The following SOCS5 variants were observed in gnomAD, a reference collection of about 807,000 sequenced individuals.
The protein encoded by SOCS5 is suppressor of cytokine signaling 5.
SOCS5 carries 32 observed loss-of-function variants against 42.8 expected under a neutral mutation model. The ratio of observed to expected loss-of-function variants is 0.75; its 90% CI spans 0.56 to 1.01. The LOEUF (loss-of-function observed/expected upper bound fraction) is 1.01, where lower values mean the gene tolerates loss of function less well. Among genes scored for constraint, SOCS5 ranks in the 50% least tolerant of loss-of-function variants. The pLI is 0.00. For synonymous variants in SOCS5, 283 were observed against 229.6 expected (o/e 1.23, Z -2.10); for missense variants, 627 against 653.0 (o/e 0.96, Z 0.43).
At chr2:46,742,790 C>T (rs1025556281) in intron 1 of SOCS5, among the ~76,000 whole-genome samples, 11 of 151,992 alleles carry the variant, frequency 7.2e-5, no homozygotes, top group East Asian at 1.9e-4. Flanking sequence ...CTCAGCCTCC[C>T]GAGTAGCTCA....
chr2:46,752,587 C>G (rs1012536185), intron 1 of SOCS5, among the ~76,000 whole-genome samples: 10 of 152,152 alleles, frequency 6.6e-5, no homozygotes, highest in African/African-American at 2.4e-4. Flanking sequence ...ATATTCATCT[C>G]TTATAATTTC....
intron 1 of SOCS5, among the ~76,000 whole-genome samples, chr2:46,757,438 A>C (rs1673754165): frequency 6.6e-6 from 1 of 152,210 alleles, no homozygotes; most frequent in Non-Finnish European, 1.5e-5. Flanking sequence ...TTTTTTTTTA[A>C]GGAACAAGAA....
intron 1 of SOCS5, among the ~76,000 whole-genome samples, chr2:46,723,864 G>A (rs1008178755): frequency 6.6e-6 from 1 of 152,030 alleles, no homozygotes; most frequent in African/African-American, 2.4e-5. Flanking sequence ...GAGAAGAATT[G>A]ACATCTTTAC....
At chr2:46,758,314 A>G (rs1673772867) in intron 1 of SOCS5, among the ~76,000 whole-genome samples, 1 of 152,214 alleles carries the variant, frequency 6.6e-6, no homozygotes, top group African/African-American at 2.4e-5. Flanking sequence ...GACTGGCTTG[A>G]ACAAGGTCAG....
chr2:46,699,051 C>T (rs1672278775), upstream of SOCS5: 2 of 152,608 alleles, frequency 1.3e-5, no homozygotes, highest in East Asian at 1.9e-4. The surrounding 1 kb of genome is among the most constrained non-coding windows in gnomAD (Gnocchi z 4.8). Context: ...TTCACCTACC[C>T]GCCTCCGGAT....
At position 46,759,141 on chromosome 2, in the gene SOCS5, A is replaced by T; in HGVS notation, c.611A>T (p.Asn204Ile). 6.2e-7 allele frequency: 1 copy of T among 1,614,002 alleles called. No homozygotes were observed. Among genetic ancestry groups the T allele is most frequent in the Non-Finnish European group, 8.5e-7 (1 of 1,179,866 alleles). Residue 204 changes from asparagine to isoleucine, a missense_variant, in exon 2 of 2, where the codon AAT becomes ATT. This residue lies in a region of SOCS5 where 278 missense variants were observed against 246.3 expected (regional missense o/e 1.13). Coordinates refer to ENST00000394861, the MANE Select transcript of SOCS5 (RefSeq NM_144949.3). Reference protein sequence around the residue: ...YSKQSKPLFSNKRKIHLSELM... With the variant: ...YSKQSKPLFSIKRKIHLSELM... ...AAGCAGTCAAAGCCTCTCTTTTCCAATAAAAGAAAAATCCATCTCTCTGAA... is the reference window on the plus strand; with the variant it reads ...AAGCAGTCAAAGCCTCTCTTTTCCATTAAAAGAAAAATCCATCTCTCTGAA...
intron 1 of SOCS5, among the ~76,000 whole-genome samples, chr2:46,701,628 T>C (rs1248113304): frequency 1.4e-4 from 21 of 151,748 alleles, no homozygotes. Context: ...TGAAGAAGTT[T>C]GAGTTGACTA....
chr2:46,729,928 T>C (rs1673079193), intron 1 of SOCS5, among the ~76,000 whole-genome samples: 1 of 152,240 alleles, frequency 6.6e-6, no homozygotes, highest in Non-Finnish European at 1.5e-5. Context: ...ATGTTTTTTC[T>C]TTATATCCTT....
chr2:46,721,831 G>C (rs1672890904), intron 1 of SOCS5, among the ~76,000 whole-genome samples: 1 of 152,020 alleles, frequency 6.6e-6, no homozygotes, highest in Non-Finnish European at 1.5e-5. Flanking sequence ...TTTTACAGAG[G>C]GGTGCAACTG....
chr2:46,709,094 C>T (rs1172876708), intron 1 of SOCS5, among the ~76,000 whole-genome samples: 1 of 152,046 alleles, frequency 6.6e-6, no homozygotes, highest in Non-Finnish European at 1.5e-5. Flanking sequence ...ACCGTGTTGG[C>T]CAGACGGTCT....
At chr2:46,741,886 TC>T (rs1673387093) in intron 1 of SOCS5, among the ~76,000 whole-genome samples, 1 of 152,210 alleles carries the variant, frequency 6.6e-6, no homozygotes, top group South Asian at 2.1e-4. Context: ...CTGATTATGT[TC>T]TTGGAATAAA....
intron 1 of SOCS5, among the ~76,000 whole-genome samples, chr2:46,745,585 T>C (rs549144462): frequency 6.6e-6 from 1 of 152,274 alleles, no homozygotes; most frequent in South Asian, 2.1e-4. Flanking sequence ...GGATTCCATT[T>C]GTGGAATGCT....
In SOCS5 at chr2:46,761,383, T is replaced by G. The variant is rs1318198545; in HGVS notation, c.*1242T>G. 6.0e-6 allele frequency: 1 copy of G among 167,138 alleles called. No individual in the cohort carries two copies. Among genetic ancestry groups the G allele is most frequent in the African/African-American group, 2.4e-5 (1 of 41,476 alleles). 10.4% of individuals were successfully genotyped at this position (167,138 alleles called of 1,614,324 possible). On this transcript the variant is annotated 3_prime_UTR_variant, in exon 2 of 2. Coordinates refer to ENST00000394861, the MANE Select transcript of SOCS5 (RefSeq NM_144949.3). ...ACTAAAGTAGCCGAATCCACTCTCA[T>G]GTCTTTTCGTTAATGTGCTCTGTAC...
chr2:46,706,983 A>G (rs1467670784), intron 1 of SOCS5, among the ~76,000 whole-genome samples: 7 of 152,252 alleles, frequency 4.6e-5, no homozygotes, highest in Non-Finnish European at 8.8e-5. Flanking sequence ...GTATATGTAA[A>G]AATGCTTTAA....
At chr2:46,701,251 G>T (rs1672338223) in intron 1 of SOCS5, among the ~76,000 whole-genome samples, 2 of 152,176 alleles carry the variant, frequency 1.3e-5, no homozygotes, top group Admixed American at 1.3e-4. Flanking sequence ...CCTTTGTTTA[G>T]ATTGGGCTGT....
intron 1 of SOCS5, among the ~76,000 whole-genome samples, chr2:46,729,734 A>C (rs1473715703): frequency 6.6e-6 from 1 of 152,186 alleles, no homozygotes; most frequent in Non-Finnish European, 1.5e-5. Flanking sequence ...TGTATTGTAG[A>C]CCTTATAAAC....
In SOCS5 at chr2:46,759,299, A is replaced by T; in HGVS notation, c.769A>T (p.Thr257Ser). The part of the protein sequence containing the change: ...FDTFDPSLVS[T>S]EDEEDRLRER... Reference sequence around the variant, plus strand: ...TACATTTGATCCATCTTTGGTTTCTACAGAAGATGAAGAAGATAGGCTTAG... The same window carrying T: ...TACATTTGATCCATCTTTGGTTTCTTCAGAAGATGAAGAAGATAGGCTTAG... The change falls in exon 2 of 2, where the codon ACA becomes TCA. Residue 257 changes from threonine to serine, a missense_variant. Physicochemically the swap from Thr to Ser is moderately conservative, Grantham distance 58. Coordinates refer to ENST00000394861, the MANE Select transcript of SOCS5 (RefSeq NM_144949.3). The T allele has an allele frequency of 3.7e-6, 6 of 1,614,002 alleles. No individual in the cohort carries two copies. Among genetic ancestry groups the T allele is most frequent in the Non-Finnish European group, 5.1e-6 (6 of 1,179,866 alleles).
chr2:46,702,889 C>G (rs1419747053), intron 1 of SOCS5, among the ~76,000 whole-genome samples: 1 of 152,172 alleles, frequency 6.6e-6, no homozygotes, highest in Non-Finnish European at 1.5e-5. Flanking sequence ...TTCTGTGCTT[C>G]TGCCTTCTCA....
At chr2:46,720,689 A>ATTTTC (rs1672858949) in intron 1 of SOCS5, among the ~76,000 whole-genome samples, 1 of 152,170 alleles carries the variant, frequency 6.6e-6, no homozygotes, top group Non-Finnish European at 1.5e-5. Context: ...ATCTGGTCCA[A>ATTTTC]TTCCCTGTTT....
Sources: gnomAD v4.1 joint callset for allele counts (sites outside exome capture counted in the v4.1 genomes callset) on GRCh38, gnomAD v4.1.1 for gene constraint, gnomAD v4.1.1 regional missense constraint, Gnocchi (gnomAD v3.1) non-coding constraint, MANE v1.5 for transcripts, NCBI Gene and HGNC (gene_info 2026-07-23, HGNC 2026-07-21) for gene names.